HECTD4: variants seen among roughly 807,000 people sequenced by gnomAD.
HECTD4 encodes the protein HECT domain E3 ubiquitin protein ligase 4.
A neutral mutation model predicts 471.5 loss-of-function variants in HECTD4; 114 were observed. That is an observed-to-expected ratio of 0.24 (90% CI 0.21 to 0.28). HECTD4 has a LOEUF of 0.28. Among genes scored for constraint, HECTD4 ranks in the 10% least tolerant of loss-of-function variants. HECTD4 has a pLI of 1.00. For missense variants in HECTD4, 3,866 were observed against 5,651.5 expected (o/e 0.68, Z 10.13); for synonymous variants, 2,012 against 2,256.0 (o/e 0.89, Z 3.07).
intron 1 of HECTD4, among the ~76,000 whole-genome samples, chr12:112,323,975 TTCC>T (rs2135705978): frequency 0.012 from 259 of 21,120 alleles, 30 homozygotes; most frequent in African/African-American, 0.067. Flanking sequence ...TCTTCCTTCC[TTCC>T]TTCCTTCCTT....
At chr12:112,256,746 CT>C in intron 20 of HECTD4, 14 of 326,646 alleles carry the variant, frequency 4.3e-5, no homozygotes, top group South Asian at 1.5e-4. Context: ...TCTTTTTTGC[CT>C]TTTTCCAGGA....
intron 22 of HECTD4, 169 bp from the exon 23 acceptor site, chr12:112,252,697 G>A (rs1275282650): frequency 1.3e-6 from 1 of 768,200 alleles, no homozygotes; most frequent in Non-Finnish European, 2.0e-6. Flanking sequence ...TAGACAACCA[G>A]TCCTTTAAGT....
intron 1 of HECTD4, among the ~76,000 whole-genome samples, chr12:112,337,683 A>T (rs2035983526): frequency 6.6e-6 from 1 of 152,220 alleles, no homozygotes; most frequent in South Asian, 2.1e-4. Context: ...GCATAAACTT[A>T]ACCAAATCCC....
At chr12:112,368,710 G>A (rs867214437) in intron 1 of HECTD4, among the ~76,000 whole-genome samples, 4 of 151,936 alleles carry the variant, frequency 2.6e-5, no homozygotes, top group Non-Finnish European at 4.4e-5. Context: ...AATTAATTTC[G>A]TTCTGGTGGA....
chr12:112,194,769 G>GT lies in HECTD4; in HGVS notation c.8749+115dup. ...CCAGTTCCTGCGTGCAATTTCTCACGTGAGCCTATGCGCACCATGAGGCAT... is the reference window on the plus strand; with the variant it reads ...CCAGTTCCTGCGTGCAATTTCTCACGTTGAGCCTATGCGCACCATGAGGCAT... On this transcript the variant is annotated intron_variant, in intron 56 of 75. Transcript: ENST00000682272. The surrounding 1 kb of genome is among the most constrained non-coding windows in gnomAD (Gnocchi z 4.6). 1.1e-6 allele frequency: 1 copy of GT among 942,414 alleles called. No individual in the cohort carries two copies. The highest frequency in any genetic ancestry group is 1.7e-5 in the South Asian group (1 of 57,850). 58.4% of individuals were successfully genotyped at this position (942,414 alleles called of 1,614,324 possible).
At chr12:112,283,062 A>G (rs768558164) in intron 8 of HECTD4, 48 bp downstream of exon 8, 2 of 1,487,448 alleles carry the variant, frequency 1.3e-6, no homozygotes, top group South Asian at 2.4e-5. Context: ...GACGTAGCTG[A>G]ACAGAGCTAT....
intron 7 of HECTD4, among the ~76,000 whole-genome samples, chr12:112,300,438 A>G (rs755144752): frequency 6.6e-6 from 1 of 152,154 alleles, no homozygotes; most frequent in African/African-American, 2.4e-5. Context: ...GAATTGCTCA[A>G]CATTTGTATA....
In HECTD4 at chr12:112,381,125, A is replaced by G. The variant is rs1474061269; in HGVS notation, c.177+827T>C. On this transcript the variant is annotated intron_variant, in intron 1 of 75. Transcript: ENST00000682272. This position sits in a 1 kb window ranked among gnomAD's most constrained non-coding sequence, Gnocchi z 4.1. The stretch of plus-strand genomic sequence containing the variant: ...CCAGTATTCCCACCTCTAGGCAAAC[A>G]CGAACCCAAGTGAAGTCGATGGAAA... Among the ~76,000 whole-genome samples the G allele has an allele frequency of 1.3e-5, 2 of 152,196 alleles. No homozygotes were observed. Among genetic ancestry groups the G allele is most frequent in the African/African-American group, 4.8e-5 (2 of 41,452 alleles).
chr12:112,296,683 TG>T (rs2035027130), intron 7 of HECTD4, among the ~76,000 whole-genome samples: 1 of 145,566 alleles, frequency 6.9e-6, no homozygotes, highest in Admixed American at 6.8e-5. Context: ...GTGCAGCAAG[TG>T]GTAACTACAG....
At chr12:112,222,348 C>G (rs943043251) in intron 44 of HECTD4, among the ~76,000 whole-genome samples, 1 of 152,162 alleles carries the variant, frequency 6.6e-6, no homozygotes, top group Non-Finnish European at 1.5e-5. Context: ...TGAGCCACAG[C>G]ACCTGGCCCT....
At chr12:112,355,497 C>T (rs2036320201) in intron 1 of HECTD4, among the ~76,000 whole-genome samples, 1 of 150,984 alleles carries the variant, frequency 6.6e-6, no homozygotes, top group Non-Finnish European at 1.5e-5. Context: ...CGGTGGCTCA[C>T]ACCAGTAATC....
intron 7 of HECTD4, chr12:112,302,680 G>C (rs1396421744): frequency 1.8e-5 from 9 of 499,666 alleles, no homozygotes; most frequent in Non-Finnish European, 2.5e-5. Context: ...CTTGGGCAGT[G>C]GGAGGCCAGT....
chr12:112,215,030 G>C (rs1005262380), intron 48 of HECTD4, among the ~76,000 whole-genome samples: 11 of 152,148 alleles, frequency 7.2e-5, no homozygotes, highest in African/African-American at 2.4e-4. Flanking sequence ...GCAGGCACCT[G>C]TAATCCCAGC....
At chr12:112,247,647 C>T in intron 27 of HECTD4, 97 bp from the exon 28 acceptor site, 1 of 485,932 alleles carries the variant, frequency 2.1e-6, no homozygotes, top group Non-Finnish European at 3.6e-6. Flanking sequence ...AAACCACCAC[C>T]TTTGGTCCAC....
chr12:112,367,305 A>AG (rs1566126317), intron 1 of HECTD4, among the ~76,000 whole-genome samples: 29 of 121,254 alleles, frequency 2.4e-4, no homozygotes, highest in African/African-American at 9.5e-4. Context: ...TCTCAAAAAA[A>AG]AAAAGAAAGA....
In HECTD4 at chr12:112,185,360, G is replaced by C. The variant is rs1356022172; in HGVS notation, c.9606C>G (p.Ala3202=). The C allele has an allele frequency of 1.2e-6, 2 of 1,607,466 alleles. No homozygotes were observed. Among genetic ancestry groups the C allele is most frequent in the Admixed American group, 1.7e-5 (1 of 59,168 alleles). The part of the protein sequence containing the change: ...RHPAGLSSSI[A]LQLNPCLAML... ...TGGCCAGGCAGGGGTTCAGCTGGAG[G>C]GCGATTGAGGAGGACAGGCCAGCGG... Residue 3202 remains alanine (A), a synonymous_variant, in exon 61 of 76, where the codon GCC becomes GCG. Transcript: ENST00000682272.
intron 65 of HECTD4, among the ~76,000 whole-genome samples, chr12:112,176,137 G>A (rs1032950069): frequency 2.0e-5 from 3 of 152,192 alleles, no homozygotes; most frequent in Non-Finnish European, 2.9e-5. Flanking sequence ...AAACATCCCC[G>A]ACTGACAAAG....
At chr12:112,201,794 T>G (rs1247946670) in intron 54 of HECTD4, among the ~76,000 whole-genome samples, 1 of 152,202 alleles carries the variant, frequency 6.6e-6, no homozygotes, top group African/African-American at 2.4e-5. Context: ...ATTGTTTTTA[T>G]GTTAATAATA....
In HECTD4 at chr12:112,184,696, G is replaced by GGGCGTTGCA; in HGVS notation, c.10261_10269dup (p.Cys3421_Ala3423dup). 6.2e-7 allele frequency: 1 copy of GGGCGTTGCA among 1,606,478 alleles called. No homozygotes were observed. Among genetic ancestry groups the GGGCGTTGCA allele is most frequent in the Non-Finnish European group, 8.5e-7 (1 of 1,176,968 alleles). On this transcript the variant is annotated inframe_insertion, in exon 61 of 76. Coordinates refer to ENST00000682272, the MANE Select transcript of HECTD4 (RefSeq NM_001388303.1). The surrounding 1 kb of genome is among the most constrained non-coding windows in gnomAD (Gnocchi z 9.1). ...ATCTCGTCTTTGAAGACCCCGCCGT[G>GGGCGTTGCA]GGCGTTGCAGGCCTTGCGGATGGCG... is the stretch of plus-strand genomic sequence containing the variant.
Sources: gnomAD v4.1 joint callset for allele counts (sites outside exome capture counted in the v4.1 genomes callset) on GRCh38, gnomAD v4.1.1 for gene constraint, Gnocchi (gnomAD v3.1) non-coding constraint, MANE v1.5 for transcripts, NCBI Gene and HGNC (gene_info 2026-07-23, HGNC 2026-07-21) for gene names.